Variants in BIRC6 observed in about 807,000 individuals in gnomAD.
BIRC6 encodes dual E2 ubiquitin-conjugating enzyme/E3 ubiquitin-protein ligase BIRC6.
Under a neutral mutation model 503.3 loss-of-function variants are expected in BIRC6, and 98 were observed. The observed-to-expected ratio is 0.19, with a 90% CI of 0.17 to 0.23. The LOEUF (loss-of-function observed/expected upper bound fraction) is 0.23, where lower values mean the gene tolerates loss of function less well. Among genes scored for constraint, BIRC6 ranks in the 10% least tolerant of loss-of-function variants. BIRC6 has a pLI of 1.00. For synonymous variants in BIRC6, 2,240 were observed against 2,078.7 expected, an observed-to-expected ratio of 1.08 and a Z score of -2.11; for missense variants, 5,360 against 5,806.0, an observed-to-expected ratio of 0.92 and a Z score of 2.50.
intron 61 of BIRC6, among the ~76,000 whole-genome samples, chr2:32,535,739 T>C (rs1256594555): frequency 1.3e-5 from 2 of 152,252 alleles, no homozygotes; most frequent in Non-Finnish European, 2.9e-5. Flanking sequence ...AAGTCTTTGC[T>C]ATTGTGAATA....
At chr2:32,447,306 T>C (rs2046106707) in intron 21 of BIRC6, among the ~76,000 whole-genome samples, 5 of 147,350 alleles carry the variant, frequency 3.4e-5, no homozygotes, top group Non-Finnish European at 3.0e-5. Context: ...GCAGAGGGGC[T>C]CCTCACTTCC....
At chr2:32,485,807 C>A in intron 40 of BIRC6, 48 bp downstream of exon 40, 1 of 1,245,576 alleles carries the variant, frequency 8.0e-7, no homozygotes, top group Non-Finnish European at 1.2e-6. Context: ...TGATTCAGCT[C>A]TTCATCATTT....
intron 55 of BIRC6, among the ~76,000 whole-genome samples, chr2:32,517,478 A>G (rs2055177578): frequency 6.6e-6 from 1 of 152,210 alleles, no homozygotes; most frequent in African/African-American, 2.4e-5. Context: ...CGAGGGCATG[A>G]TTCTAGGTAT....
rs577605383 is a variant in BIRC6, at chr2:32,543,611, C to G, written c.12592+70C>G. ...TGTGTAAAGGTATCCAGATCATTGCCTATTATTCATCATTTATTTCCTTCA... is the reference window on the plus strand; with the variant it reads ...TGTGTAAAGGTATCCAGATCATTGCGTATTATTCATCATTTATTTCCTTCA... On this transcript the variant is annotated intron_variant, in intron 62 of 73. Transcript: ENST00000421745. 3.2e-5 allele frequency: 46 copies of G among 1,415,386 alleles called. No homozygotes were observed. In the African/African-American group the frequency reaches 6.1e-4, roughly 19 times the overall value. The allele number at this position is 1,415,386 out of a possible 1,614,324, so 87.7% of individuals were successfully genotyped here.
At chr2:32,424,580 T>C (rs912392400) in intron 10 of BIRC6, among the ~76,000 whole-genome samples, 3 of 151,816 alleles carry the variant, frequency 2.0e-5, no homozygotes, top group South Asian at 2.1e-4. Context: ...ACTGACGCGA[T>C]CTCGGCTCAC....
intron 33 of BIRC6, among the ~76,000 whole-genome samples, chr2:32,475,014 G>A (rs1023186933): frequency 4.0e-5 from 6 of 151,658 alleles, no homozygotes; most frequent in Admixed American, 1.3e-4. Flanking sequence ...GTTCAAGACC[G>A]GCCTGGCCAA....
chr2:32,366,337 GT>G (rs1277154752), intron 1 of BIRC6, among the ~76,000 whole-genome samples: 1 of 152,124 alleles, frequency 6.6e-6, no homozygotes, highest in African/African-American at 2.4e-5. Flanking sequence ...CAAAAATTTT[GT>G]TGCTATTTTC....
rs543391869 is a variant in BIRC6 at position 32,381,576 on chromosome 2, C to A, written c.645+1286C>A. ...TTTTTTTTGGTTCGAGACAGAGTCT[C>A]ACTCTGTAACCTAGGCTGGAGTGCA... On this transcript the variant is annotated intron_variant, in intron 3 of 73. Transcript: ENST00000421745. Among the ~76,000 whole-genome samples the A allele has an allele frequency of 7.6e-5, 11 of 145,564 alleles. 1 individual carries two copies. The South Asian group carries it at 2.5e-3, about 33-fold the overall frequency.
Position 32,575,184 on chromosome 2 carries a change from C to G in BIRC6, c.13173C>G (p.Leu4391=). The G allele has an allele frequency of 1.9e-6, 3 of 1,613,990 alleles. No individual in the cohort carries two copies. Among genetic ancestry groups the G allele is most frequent in the Non-Finnish European group, 2.5e-6 (3 of 1,179,888 alleles). Residue 4391 remains leucine, a synonymous_variant, in exon 66 of 74, where the codon CTC becomes CTG. Coordinates refer to ENST00000421745, the MANE Select transcript of BIRC6 (RefSeq NM_016252.4). ...SVLDMARHVP[L]YRALLELLRA... ...TGGACATGGCAAGACATGTGCCACT[C>G]TATCGGGCACTGCTGGAATTGCTTC... is the stretch of plus-strand genomic sequence containing the variant.
intron 12 of BIRC6, 91 bp downstream of exon 12, chr2:32,431,181 C>CTTTGTTTTT (rs2044060115): frequency 1.5e-5 from 1 of 65,364 alleles, no homozygotes; most frequent in Non-Finnish European, 2.8e-5. Context: ...TACTGTTTAT[C>CTTTGTTTTT]TTTTTTTTTT....
chr2:32,434,592 A>T (rs1016296745), intron 13 of BIRC6, among the ~76,000 whole-genome samples: 6 of 152,234 alleles, frequency 3.9e-5, no homozygotes, highest in Non-Finnish European at 7.3e-5. Context: ...TCATGCCTAT[A>T]ATCCCAGCAT....
chr2:32,490,132 G>T lies in BIRC6; in HGVS notation c.8187G>T (p.Met2729Ile), dbSNP rs776758624. The change falls in exon 43 of 74, where the codon ATG (methionine) becomes ATT (isoleucine). Residue 2729 changes from methionine to isoleucine, a missense_variant. Met to Ile is a conservative substitution (Grantham distance 10). Transcript: ENST00000421745. ...TTGTGCTTCATAGCCTAACACTCAT[G>T]ACAAACATGCAGCTTAATTGTAAGT... ...WCLVLHSLTLMTNMQLNSGSS... is the reference protein window; with the variant it reads ...WCLVLHSLTLITNMQLNSGSS... The T allele has an allele frequency of 6.2e-7, 1 of 1,607,626 alleles. No homozygotes were observed. The highest frequency in any genetic ancestry group is 8.5e-7 in the Non-Finnish European group (1 of 1,174,192).
chr2:32,500,157 TG>T (rs113082103), intron 46 of BIRC6, 48 bp downstream of exon 46: 15,243 of 1,478,634 alleles, frequency 0.01, 100 homozygotes, highest in Non-Finnish European at 0.012. Context: ...ATACTATAAC[TG>T]GTTTTTTTTT....
intron 37 of BIRC6, among the ~76,000 whole-genome samples, chr2:32,480,621 C>CTTTATTTTTTTTTTTTTTTTTTT (rs2050281698): frequency 1.6e-5 from 1 of 60,724 alleles, no homozygotes; most frequent in Non-Finnish European, 2.9e-5. Flanking sequence ...AGGTAAATGG[C>CTTTATTTTTTTTTTTTTTTTTTT]TTTTTTTTTT....
At position 32,469,500 on chromosome 2, in the gene BIRC6, C is replaced by T; in HGVS notation, c.6233C>T (p.Thr2078Ile). The T allele has an allele frequency of 6.2e-7, 1 of 1,613,842 alleles. No homozygotes were observed. The highest frequency in any genetic ancestry group is 8.5e-7 in the Non-Finnish European group (1 of 1,179,784). Residue 2078 changes from threonine (T) to isoleucine (I), a missense_variant, in exon 30 of 74, where the codon ACT becomes ATT. Transcript: ENST00000421745. ...ISGTPKIRLH[T>I]GLLLVQLCGG... The stretch of plus-strand genomic sequence containing the variant: ...GGAACCCCAAAGATACGGTTACATA[C>T]TGGTCTTCTTCTTGTTCAACTGTGT...
chr2:32,586,427 T>G (rs934167404), intron 66 of BIRC6, among the ~76,000 whole-genome samples: 2 of 132,816 alleles, frequency 1.5e-5, no homozygotes, highest in Admixed American at 7.6e-5. Flanking sequence ...GCAGTCCTTT[T>G]TTTTTTTTTT....
chr2:32,483,017 A>G (rs2050584059), intron 39 of BIRC6, among the ~76,000 whole-genome samples: 1 of 150,934 alleles, frequency 6.6e-6, no homozygotes, highest in Non-Finnish European at 1.5e-5. Context: ...TCCCAGGTCG[A>G]GGGGCTTCTC....
In BIRC6 at chr2:32,436,139, G is replaced by C; in HGVS notation, c.3586G>C (p.Gly1196Arg). The C allele has an allele frequency of 6.7e-7, 1 of 1,484,824 alleles. No homozygotes were observed. The highest frequency in any genetic ancestry group is 9.1e-7 in the Non-Finnish European group (1 of 1,102,306). The allele number at this position is 1,484,824 out of a possible 1,614,324, so 92.0% of individuals were successfully genotyped here. ...VWLASGLDLS[G>R]HAGMLTLTSP... ...GCTTGCTAGTGGCCTTGATCTATCA[G>C]GGCATGCTGGAATGTTGACGTTAAC... The change falls in exon 15 of 74, where the codon GGG (glycine) becomes CGG (arginine). Residue 1196 changes from glycine to arginine, a missense_variant. Coordinates refer to ENST00000421745, the MANE Select transcript of BIRC6 (RefSeq NM_016252.4).
intron 33 of BIRC6, among the ~76,000 whole-genome samples, chr2:32,475,848 A>T (rs971613567): frequency 6.6e-6 from 1 of 152,184 alleles, no homozygotes; most frequent in Non-Finnish European, 1.5e-5. Context: ...TGAGATTTCC[A>T]TAAAAACAAA....
Sources: allele counts gnomAD v4.1 joint callset (sites outside exome capture counted in the v4.1 genomes callset), GRCh38; gene constraint gnomAD v4.1.1; transcripts MANE v1.5; gene names NCBI Gene and HGNC (gene_info 2026-07-23, HGNC 2026-07-21).